The following SCN9A variants were observed in gnomAD, a reference collection of about 807,000 sequenced individuals.
SCN9A encodes the protein sodium channel protein type 9 subunit alpha.
In SCN9A, 131 loss-of-function variants were observed where a neutral mutation model predicts 187.0. The observed-to-expected ratio is 0.70, with a 90% CI of 0.61 to 0.81. The LOEUF (loss-of-function observed/expected upper bound fraction) is 0.81, where lower values mean the gene tolerates loss of function less well. Among genes scored for constraint, SCN9A ranks in the 30% least tolerant of loss-of-function variants. The pLI is 0.00. For synonymous variants in SCN9A, 809 were observed against 808.6 expected (o/e 1.00, Z -0.01); for missense variants, 2,252 against 2,396.6 (o/e 0.94, Z 1.26).
chr2:166,271,934 A>C (rs1697011002), intron 17 of SCN9A, among the ~76,000 whole-genome samples: 1 of 152,108 alleles, frequency 6.6e-6, no homozygotes, highest in Non-Finnish European at 1.5e-5. Context: ...GAGTGAAATG[A>C]TTAGGACTGA....
intron 1 of SCN9A, among the ~76,000 whole-genome samples, chr2:166,365,484 G>A (rs977921728): frequency 6.6e-6 from 1 of 152,038 alleles, no homozygotes; most frequent in Non-Finnish European, 1.5e-5. Context: ...GGTTTATCAC[G>A]CAGCCCTCGA....
At chr2:166,340,942 G>A (rs1258174063) in intron 1 of SCN9A, among the ~76,000 whole-genome samples, 1 of 152,034 alleles carries the variant, frequency 6.6e-6, no homozygotes, top group Non-Finnish European at 1.5e-5. Context: ...ATTTCTTCAT[G>A]TACAAATATA....
intron 24 of SCN9A, among the ~76,000 whole-genome samples, chr2:166,223,107 A>C (rs1246927436): frequency 6.6e-6 from 1 of 152,100 alleles, no homozygotes; most frequent in Non-Finnish European, 1.5e-5. Flanking sequence ...ACCTTTGTAC[A>C]TTGTTGGAAT....
Position 166,284,475 on chromosome 2 carries a change from T to C in SCN9A, c.1952A>G (p.Asp651Gly). 1 of 1,613,578 alleles carries C rather than the reference T, an allele frequency of 6.2e-7. No homozygotes were observed. Among genetic ancestry groups the C allele is most frequent in the Non-Finnish European group, 8.5e-7 (1 of 1,179,792 alleles). Residue 651 changes from aspartate to glycine, a missense_variant, in exon 12 of 27, where the codon GAT becomes GGT. Physicochemically the swap from Asp to Gly is moderately conservative, Grantham distance 94. Transcript: ENST00000642356. The stretch of plus-strand genomic sequence containing the variant: ...TACGCTGTCATCAGAAGTTGCCTTA[T>C]CTATTATCACCTCTGGCAGAAGCTG... ...NGQLLPEVII[D>G]KATSDDSGTT...
chr2:166,300,725 C>T (rs1188302130), intron 7 of SCN9A, among the ~76,000 whole-genome samples: 1 of 150,684 alleles, frequency 6.6e-6, no homozygotes, highest in Non-Finnish European at 1.5e-5. Flanking sequence ...AAAATTCAGA[C>T]TTGATTTAAA....
chr2:166,285,607 A>C (rs1360930276), intron 11 of SCN9A, among the ~76,000 whole-genome samples: 3 of 152,096 alleles, frequency 2.0e-5, no homozygotes, highest in Non-Finnish European at 4.4e-5. Context: ...GAAGGCAGGG[A>C]CTCTATCTTT....
chr2:166,274,282 A>AC (rs1367783376), intron 16 of SCN9A, among the ~76,000 whole-genome samples: 5 of 152,164 alleles, frequency 3.3e-5, no homozygotes, highest in African/African-American at 4.8e-5. Flanking sequence ...AAATCAAAAT[A>AC]AAGTCCATTT....
At chr2:166,229,511 T>C (rs973623038) in intron 21 of SCN9A, among the ~76,000 whole-genome samples, 4 of 152,122 alleles carry the variant, frequency 2.6e-5, no homozygotes, top group African/African-American at 9.7e-5. Flanking sequence ...TAATTTAATT[T>C]AATTATTTTC....
intron 20 of SCN9A, among the ~76,000 whole-genome samples, chr2:166,234,413 C>T (rs1695223569): frequency 6.6e-6 from 1 of 152,024 alleles, no homozygotes; most frequent in Admixed American, 6.6e-5. Context: ...TTCAATTTTT[C>T]GAGGGAAGAA....
chr2:166,225,535 G>C (rs746718248), intron 24 of SCN9A, among the ~76,000 whole-genome samples: 12 of 152,030 alleles, frequency 7.9e-5, no homozygotes, highest in Non-Finnish European at 1.3e-4. Flanking sequence ...CTTAACCTCT[G>C]TGTGCCTTTC....
At chr2:166,236,192 A>G (rs1181777870) in intron 20 of SCN9A, among the ~76,000 whole-genome samples, 1 of 152,094 alleles carries the variant, frequency 6.6e-6, no homozygotes, top group East Asian at 1.9e-4. Flanking sequence ...CCATTTTATC[A>G]TTTTTCATTT....
At chr2:166,348,200 T>C (rs1469247675) in intron 1 of SCN9A, among the ~76,000 whole-genome samples, 1 of 132,084 alleles carries the variant, frequency 7.6e-6, no homozygotes, top group Non-Finnish European at 1.8e-5. Flanking sequence ...TTGATTATCA[T>C]GTACATTTTT....
intron 14 of SCN9A, among the ~76,000 whole-genome samples, chr2:166,278,785 G>C (rs1368377822): frequency 6.6e-6 from 1 of 152,002 alleles, no homozygotes; most frequent in African/African-American, 2.4e-5. Context: ...CAGCAGAAGA[G>C]AAAAAAGTAT....
intron 24 of SCN9A, among the ~76,000 whole-genome samples, chr2:166,208,854 G>T (rs940676066): frequency 6.6e-6 from 1 of 152,160 alleles, no homozygotes; most frequent in Non-Finnish European, 1.5e-5. Flanking sequence ...TAACTGTGCT[G>T]GTATCCTGTT....
chr2:166,309,936 A>AT (rs1227846753), intron 2 of SCN9A, among the ~76,000 whole-genome samples: 1 of 137,076 alleles, frequency 7.3e-6, no homozygotes, highest in East Asian at 2.0e-4. Context: ...GAGCCCTCAG[A>AT]AATAACGCCA....
Position 166,313,056 on chromosome 2 carries a change from TA to T in SCN9A, c.-50-1251del, listed in dbSNP as rs1217117240. Among the ~76,000 whole-genome samples the T allele has an allele frequency of 1.8e-3, 201 of 112,834 alleles. 1 individual carries two copies. The highest frequency in any genetic ancestry group is 2.6e-3 in the Non-Finnish European group (145 of 56,152). 74.0% of individuals were successfully genotyped at this position (112,834 alleles called of 152,430 possible). On this transcript the variant is annotated intron_variant, in intron 1 of 26. Coordinates refer to ENST00000642356, the MANE Select transcript of SCN9A (RefSeq NM_001365536.1). Reference sequence around the variant, plus strand: ...TTAATTTTCTGAATAGTAAAGAATATAATTATTTAATTTTCTGAATAGTAAA... The same window carrying T: ...TTAATTTTCTGAATAGTAAAGAATATATTATTTAATTTTCTGAATAGTAAA...
intron 17 of SCN9A, among the ~76,000 whole-genome samples, chr2:166,271,309 G>A (rs765451324): frequency 9.9e-5 from 15 of 152,084 alleles, no homozygotes; most frequent in Non-Finnish European, 1.6e-4. Context: ...ATGTATTAAC[G>A]TGTTAATTCA....
At chr2:166,319,201 G>A (rs537558317) in intron 1 of SCN9A, among the ~76,000 whole-genome samples, 1 of 152,154 alleles carries the variant, frequency 6.6e-6, no homozygotes, top group South Asian at 2.1e-4. Context: ...TCAGTGTGAT[G>A]AGAGAAAATA....
At chr2:166,326,248 T>G (rs1015630268) in intron 1 of SCN9A, among the ~76,000 whole-genome samples, 12 of 152,164 alleles carry the variant, frequency 7.9e-5, no homozygotes. Flanking sequence ...AATTTAGTCA[T>G]TGAATAGCTC....
Sources: gnomAD v4.1 joint callset for allele counts (sites outside exome capture counted in the v4.1 genomes callset) on GRCh38, gnomAD v4.1.1 for gene constraint, MANE v1.5 for transcripts, NCBI Gene and HGNC (gene_info 2026-07-23, HGNC 2026-07-21) for gene names.